The following DHX29 variants were observed in gnomAD, a reference collection of about 807,000 sequenced individuals.
The protein encoded by DHX29 is DExH-box helicase 29, also known as ATP-dependent RNA helicase DHX29.
A neutral mutation model predicts 167.9 loss-of-function variants in DHX29; 79 were observed. The ratio of observed to expected loss-of-function variants is 0.47; its 90% CI spans 0.39 to 0.57. The LOEUF (loss-of-function observed/expected upper bound fraction) is 0.57. Among genes scored for constraint, DHX29 ranks in the 20% least tolerant of loss-of-function variants. The pLI is 0.00. For synonymous variants in DHX29, 530 were observed against 546.0 expected, an observed-to-expected ratio of 0.97 and a Z score of 0.41; for missense variants, 1,347 against 1,593.4, an observed-to-expected ratio of 0.85 and a Z score of 2.63.
chr5:55,256,562 A>G lies in DHX29; in HGVS notation c.4058-22T>C, dbSNP rs752214385. 41 of 1,578,078 alleles carry G rather than the reference A, an allele frequency of 2.6e-5. No individual in the cohort carries two copies. The Admixed American group carries it at 7.9e-4, about 30-fold the overall frequency. On this transcript the variant is annotated intron_variant, in intron 26 of 26. Coordinates refer to ENST00000251636, the MANE Select transcript of DHX29 (RefSeq NM_019030.4). ...TCATCTGAGTGGAAGGAAAAAAAAA[A>G]GCCACGAATAAATGCAACATTGTCT...
chr5:55,296,675 A>T (rs1748339360), intron 3 of DHX29, among the ~76,000 whole-genome samples: 1 of 152,196 alleles, frequency 6.6e-6, no homozygotes, highest in Non-Finnish European at 1.5e-5. Context: ...CCAAGTTAGT[A>T]GAAACTCTGC....
At chr5:55,268,163 C>T (rs1746676673) in intron 21 of DHX29, among the ~76,000 whole-genome samples, 1 of 152,150 alleles carries the variant, frequency 6.6e-6, no homozygotes, top group African/African-American at 2.4e-5. Context: ...TACAGTCTGT[C>T]ATACAGTTAG....
chr5:55,256,428 A>G lies in DHX29; in HGVS notation c.*60T>C, dbSNP rs1746057946. ...ACTTAATGTGATGACCCATTTTCAG[A>G]TAATTTCATGACTGTATCTTCATCT... On this transcript the variant is annotated 3_prime_UTR_variant, in exon 27 of 27. Transcript: ENST00000251636. The G allele has an allele frequency of 6.9e-7, 1 of 1,459,384 alleles. No homozygotes were observed. 90.4% of individuals were successfully genotyped at this position (1,459,384 alleles called of 1,614,324 possible).
intron 23 of DHX29, among the ~76,000 whole-genome samples, chr5:55,266,316 T>G (rs916556462): frequency 1.4e-4 from 21 of 151,272 alleles, no homozygotes; most frequent in Admixed American, 2.6e-4. Context: ...TTTTGTTTTT[T>G]TTTTTTTTTT....
chr5:55,263,585 G>GA (rs527512355), intron 23 of DHX29, among the ~76,000 whole-genome samples: 112 of 151,836 alleles, frequency 7.4e-4, no homozygotes, highest in Non-Finnish European at 3.7e-4. Flanking sequence ...TTCTAGGAGA[G>GA]AAAAGACCAA....
chr5:55,268,865 C>A (rs1049309376), intron 21 of DHX29, among the ~76,000 whole-genome samples: 1 of 152,058 alleles, frequency 6.6e-6, no homozygotes, highest in Non-Finnish European at 1.5e-5. Flanking sequence ...TGGTAGTGTT[C>A]AAAGCTTCCT....
At chr5:55,268,586 G>C (rs879396459) in intron 21 of DHX29, among the ~76,000 whole-genome samples, 1 of 151,814 alleles carries the variant, frequency 6.6e-6, no homozygotes. Flanking sequence ...CACCATGCCC[G>C]GCCAATTTTT....
Position 55,267,781 on chromosome 5 carries a change from G to A in DHX29, c.3336C>T (p.Thr1112=), listed in dbSNP as rs770375464. The change falls in exon 22 of 27, where the codon ACC becomes ACT. Residue 1112 remains threonine (T), a synonymous_variant. Transcript: ENST00000251636. The part of the protein sequence containing the change: ...AAVMTEKSPF[T]TPIGRKDEAD... ...CTTCATCTTTTCGACCAATTGGTGT[G>A]GTAAAAGGAGACTTCTCTGTCATAA... The A allele has an allele frequency of 4.4e-6, 7 of 1,605,418 alleles. No homozygotes were observed. In the South Asian group the frequency reaches 7.8e-5, roughly 18 times the overall value.
intron 12 of DHX29, among the ~76,000 whole-genome samples, chr5:55,281,033 T>C (rs1561151953): frequency 6.7e-6 from 1 of 149,420 alleles, no homozygotes; most frequent in Non-Finnish European, 1.5e-5. Flanking sequence ...TATATATGTA[T>C]ACACACACAC....
intron 8 of DHX29, among the ~76,000 whole-genome samples, chr5:55,288,764 T>C (rs1466249680): frequency 6.6e-6 from 1 of 152,160 alleles, no homozygotes; most frequent in East Asian, 1.9e-4. Flanking sequence ...CATTAAGCCT[T>C]GAGCTGGGAA....
intron 24 of DHX29, among the ~76,000 whole-genome samples, chr5:55,262,101 C>T (rs563700927): frequency 3.9e-5 from 6 of 152,148 alleles, no homozygotes; most frequent in Non-Finnish European, 8.8e-5. Context: ...AGAGAAAATG[C>T]CATCTTAACC....
rs1177136290 is a variant in DHX29 at position 55,267,171 on chromosome 5, G to A, written c.3492C>T (p.Asn1164=). 1.9e-6 allele frequency: 3 copies of A among 1,612,870 alleles called. No individual in the cohort carries two copies. The highest frequency in any genetic ancestry group is 2.5e-6 in the Non-Finnish European group (3 of 1,179,324). The change falls in exon 23 of 27, where the codon AAC becomes AAT. Residue 1164 remains asparagine (N), a synonymous_variant. Transcript: ENST00000251636. ...TTAACAGTGATGTTCTATTAAGAAA[G>A]TTCCTCCGGCAGTATGTGATTTCAG... ...YRSEITYCRR[N]FLNRTSLLTL... is the part of the protein sequence containing the mutation.
intron 26 of DHX29, among the ~76,000 whole-genome samples, chr5:55,259,071 C>T (rs1181173277): frequency 6.6e-6 from 1 of 152,076 alleles, no homozygotes; most frequent in East Asian, 1.9e-4. Context: ...GACTTTAACT[C>T]CTGGGCTCAA....
At position 55,301,726 on chromosome 5, in the gene DHX29, A is replaced by C. The variant is rs972073166; in HGVS notation, c.188-3062T>G. On this transcript the variant is annotated intron_variant, in intron 1 of 26. Coordinates refer to ENST00000251636, the MANE Select transcript of DHX29 (RefSeq NM_019030.4). ...GAAACTCCATCTCAAAAAAAAAAAA[A>C]AAAAAAAAAACAAGAATGATTCCAG... Among the ~76,000 whole-genome samples the C allele has an allele frequency of 4.0e-5, 6 of 151,576 alleles. No individual in the cohort carries two copies. In the East Asian group the frequency reaches 9.7e-4, roughly 24 times the overall value.
chr5:55,275,780 T>C (rs925197057), intron 14 of DHX29, among the ~76,000 whole-genome samples: 1 of 151,962 alleles, frequency 6.6e-6, no homozygotes, highest in African/African-American at 2.4e-5. Flanking sequence ...TATGTGTGTG[T>C]GTCTGTCTGT....
chr5:55,272,740 C>T (rs942866531), intron 17 of DHX29, among the ~76,000 whole-genome samples: 4 of 152,002 alleles, frequency 2.6e-5, no homozygotes, highest in African/African-American at 4.8e-5. Flanking sequence ...TTTTGAAACT[C>T]GGTCTCAAAA....
chr5:55,256,396 A>G lies in DHX29; in HGVS notation c.*92T>C. The stretch of plus-strand genomic sequence containing the variant: ...ATGGCTAGTACCAACATTTTAAGTA[A>G]TGAAATACTTAATGTGATGACCCAT... On this transcript the variant is annotated 3_prime_UTR_variant, in exon 27 of 27. Transcript: ENST00000251636. 1 of 1,140,542 alleles carries G rather than the reference A, an allele frequency of 8.8e-7. No homozygotes were observed. Among genetic ancestry groups the G allele is most frequent in the Non-Finnish European group, 1.2e-6 (1 of 814,282 alleles). The allele number at this position is 1,140,542 out of a possible 1,614,324, so 70.7% of individuals were successfully genotyped here.
intron 1 of DHX29, among the ~76,000 whole-genome samples, chr5:55,300,795 C>A (rs1229210919): frequency 6.6e-6 from 1 of 152,160 alleles, no homozygotes; most frequent in African/African-American, 2.4e-5. Flanking sequence ...TTTTGCAAAT[C>A]TCTTTAATAT....
intron 12 of DHX29, among the ~76,000 whole-genome samples, chr5:55,278,353 T>C (rs1277797836): frequency 2.0e-5 from 3 of 152,214 alleles, no homozygotes; most frequent in Admixed American, 2.0e-4. Flanking sequence ...CTGAAATCAA[T>C]TGCTAGGGTC....
Sources: allele counts gnomAD v4.1 joint callset (sites outside exome capture counted in the v4.1 genomes callset), GRCh38; gene constraint gnomAD v4.1.1; transcripts MANE v1.5; gene names NCBI Gene and HGNC (gene_info 2026-07-23, HGNC 2026-07-21).